Variants in CTDSPL observed in about 807,000 individuals in gnomAD.
CTDSPL encodes the protein CTD small phosphatase-like protein.
Under a neutral mutation model 30.5 loss-of-function variants are expected in CTDSPL, and 8 were observed. The ratio of observed to expected loss-of-function variants is 0.26; its 90% CI spans 0.15 to 0.47. The LOEUF is 0.47. Among genes scored for constraint, CTDSPL ranks in the 20% least tolerant of loss-of-function variants. The pLI is 0.99. For synonymous variants in CTDSPL, 110 were observed against 137.9 expected (o/e 0.80, Z 1.42); for missense variants, 248 against 366.1 (o/e 0.68, Z 2.63).
In CTDSPL at chr3:37,921,123, G is replaced by A. The variant is rs926742424; in HGVS notation, c.80-25934G>A. 7.2e-5 allele frequency among the ~76,000 whole-genome samples: 11 copies of A among 152,338 alleles called. No homozygotes were observed. In the South Asian group the frequency reaches 2.3e-3, roughly 32 times the overall value. Reference sequence around the variant, plus strand: ...GCCTCTGCCCATGACAGTTTTCCTAGTACTTTCTTATGCATCGTTTTATCT... The same window carrying A: ...GCCTCTGCCCATGACAGTTTTCCTAATACTTTCTTATGCATCGTTTTATCT... On this transcript the variant is annotated intron_variant, in intron 1 of 7. Coordinates refer to ENST00000273179, the MANE Select transcript of CTDSPL (RefSeq NM_001008392.2).
intron 1 of CTDSPL, among the ~76,000 whole-genome samples, chr3:37,900,321 A>T (rs537312109): frequency 6.6e-6 from 1 of 152,212 alleles, no homozygotes; most frequent in Non-Finnish European, 1.5e-5. Context: ...AATACGAAAC[A>T]TGTATACAAC....
At chr3:37,957,485 T>C (rs1291737049) in intron 3 of CTDSPL, among the ~76,000 whole-genome samples, 1 of 152,166 alleles carries the variant, frequency 6.6e-6, no homozygotes, top group Non-Finnish European at 1.5e-5. Context: ...CTCAACTCCA[T>C]AGATTGGCGG....
chr3:37,981,049 C>G lies in CTDSPL; in HGVS notation c.*182C>G, dbSNP rs1485928000. The G allele has an allele frequency of 3.9e-6, 2 of 517,832 alleles. No individual in the cohort carries two copies. The highest frequency in any genetic ancestry group is 8.1e-5 in the East Asian group (2 of 24,578). The allele number at this position is 517,832 out of a possible 1,614,324, so 32.1% of individuals were successfully genotyped here. ...AACAGAAACAACTATTTTAAAAGAA[C>G]TCTTTTAAGAAATTTCATAAAGGGA... On this transcript the variant is annotated 3_prime_UTR_variant, in exon 8 of 8. Transcript: ENST00000273179.
chr3:37,969,277 TC>T, intron 5 of CTDSPL: 1 of 445,240 alleles, frequency 2.2e-6, no homozygotes. Flanking sequence ...TTGCAGGAGC[TC>T]CCCCACCCTC....
At chr3:37,888,548 C>T (rs536134676) in intron 1 of CTDSPL, among the ~76,000 whole-genome samples, 1 of 152,218 alleles carries the variant, frequency 6.6e-6, no homozygotes, top group African/African-American at 2.4e-5. Context: ...GATGCTGGTC[C>T]GTGAGCACTC....
rs979304158 is a variant in CTDSPL, at chr3:37,894,544, CTT to C, written c.79+32268_79+32269del. ...TTGGCTACTTTCAAGATTTTCTACT[CTT>C]TATCTTTGGCTTTCTTTATGTTTAT... On this transcript the variant is annotated intron_variant, in intron 1 of 7. Transcript: ENST00000273179. Among the ~76,000 whole-genome samples, 19 of 152,236 alleles carry C rather than the reference CTT, an allele frequency of 1.2e-4. No individual in the cohort carries two copies. In the East Asian group the frequency reaches 2.1e-3, roughly 17 times the overall value.
chr3:37,977,281 A>G (rs2125636012), intron 7 of CTDSPL, among the ~76,000 whole-genome samples: 1 of 152,334 alleles, frequency 6.6e-6, no homozygotes. Flanking sequence ...TGTCCCTATC[A>G]TCTCGAAGTG....
At chr3:37,951,027 A>T (rs17786366) in intron 2 of CTDSPL, among the ~76,000 whole-genome samples, 2,081 of 152,324 alleles carry the variant, frequency 0.014, 27 homozygotes, top group Non-Finnish European at 0.021. Context: ...AACAAAAAAT[A>T]AAAATCTGGG....
chr3:37,930,343 C>T (rs1698838888), intron 1 of CTDSPL, among the ~76,000 whole-genome samples: 3 of 152,210 alleles, frequency 2.0e-5, no homozygotes, highest in Admixed American at 2.0e-4. Context: ...TCACAGCACC[C>T]TCAGCCTCCC....
Position 37,906,298 on chromosome 3 carries a change from G to A in CTDSPL, c.80-40759G>A, listed in dbSNP as rs747873267. ...TGGCAGGCAGCCTTCTCCACAGGGC[G>A]CTCTGTCTCAGGGGTCCAGCAGCCT... is the stretch of plus-strand genomic sequence containing the variant. On this transcript the variant is annotated intron_variant, in intron 1 of 7. Coordinates refer to ENST00000273179, the MANE Select transcript of CTDSPL (RefSeq NM_001008392.2). 9.2e-5 allele frequency among the ~76,000 whole-genome samples: 14 copies of A among 152,274 alleles called. 2 individuals are homozygous for A. In the Middle Eastern group the frequency reaches 0.014, roughly 148 times the overall value.
At chr3:37,921,480 T>G (rs1698713898) in intron 1 of CTDSPL, among the ~76,000 whole-genome samples, 1 of 152,186 alleles carries the variant, frequency 6.6e-6, no homozygotes, top group African/African-American at 2.4e-5. Flanking sequence ...TGTATCTGTC[T>G]CCTCCCCCTA....
chr3:37,947,325 G>C, intron 2 of CTDSPL, 114 bp downstream of exon 2: 1 of 1,234,362 alleles, frequency 8.1e-7, no homozygotes, highest in South Asian at 1.5e-5. Context: ...GGTGGCTCAC[G>C]TCTGTAATAT....
intron 1 of CTDSPL, among the ~76,000 whole-genome samples, chr3:37,894,557 T>C (rs1489615783): frequency 2.8e-4 from 42 of 152,236 alleles, no homozygotes; most frequent in Non-Finnish European, 1.6e-4. Flanking sequence ...TATCTTTGGC[T>C]TTCTTTATGT....
At chr3:37,911,609 A>G (rs1698583634) in intron 1 of CTDSPL, 1 of 452,158 alleles carries the variant, frequency 2.2e-6, no homozygotes, top group Admixed American at 2.4e-5. Context: ...TTGGCAAATA[A>G]CAGGGATTTT....
chr3:37,940,358 A>C (rs1365367598), intron 1 of CTDSPL, among the ~76,000 whole-genome samples: 2 of 150,406 alleles, frequency 1.3e-5, no homozygotes, highest in Non-Finnish European at 3.0e-5. Flanking sequence ...AAATCACATA[A>C]ACCCAATTAT....
At chr3:37,960,535 T>TATAC (rs1327299412) in intron 3 of CTDSPL, among the ~76,000 whole-genome samples, 531 of 16,254 alleles carry the variant, frequency 0.033, 18 homozygotes, top group Non-Finnish European at 0.044. Context: ...TATATATATA[T>TATAC]ACACACACAC....
At chr3:37,953,542 CAT>C (rs1378726680) in intron 2 of CTDSPL, among the ~76,000 whole-genome samples, 1 of 152,048 alleles carries the variant, frequency 6.6e-6, no homozygotes. Flanking sequence ...TCTGACATAA[CAT>C]ATACAGATAA....
chr3:37,969,327 T>C, intron 5 of CTDSPL: 8 of 477,608 alleles, frequency 1.7e-5, no homozygotes, highest in South Asian at 1.2e-4. Context: ...GTCCCAGGGC[T>C]GGGGTCAGAA....
chr3:37,915,896 G>C (rs1414947461), intron 1 of CTDSPL, among the ~76,000 whole-genome samples: 1 of 152,182 alleles, frequency 6.6e-6, no homozygotes, highest in Non-Finnish European at 1.5e-5. Flanking sequence ...CTTTGATGAT[G>C]TTATCTTTCC....
Sources: allele counts gnomAD v4.1 joint callset (sites outside exome capture counted in the v4.1 genomes callset), GRCh38; gene constraint gnomAD v4.1.1; transcripts MANE v1.5; gene names NCBI Gene and HGNC (gene_info 2026-07-23, HGNC 2026-07-21).